Variants in SHROOM3 observed in about 807,000 individuals in gnomAD.
SHROOM3 encodes the protein protein Shroom3.
A neutral mutation model predicts 138.6 loss-of-function variants in SHROOM3; 47 were observed. The ratio of observed to expected loss-of-function variants is 0.34; its 90% CI spans 0.27 to 0.43. SHROOM3 has a LOEUF of 0.43. Ranked by LOEUF, SHROOM3 falls within the 20% of genes least tolerant of loss-of-function variation. SHROOM3 has a pLI of 1.00. For missense variants in SHROOM3, 2,491 were observed against 2,596.5 expected, an observed-to-expected ratio of 0.96 and a Z score of 0.88; for synonymous variants, 1,062 against 1,063.3, an observed-to-expected ratio of 1.00 and a Z score of 0.02.
At position 76,741,567 on chromosome 4, in the gene SHROOM3, G is replaced by C; in HGVS notation, c.3394G>C (p.Gly1132Arg). Residue 1132 changes from glycine to arginine, a missense_variant, in exon 5 of 11, where the codon GGC (glycine) becomes CGC (arginine). This residue lies in a region of SHROOM3 where 1,733 missense variants were observed against 1,661.6 expected (regional missense o/e 1.04). Transcript: ENST00000296043. This position sits in a 1 kb window ranked among gnomAD's most constrained non-coding sequence, Gnocchi z 6.2. The part of the protein sequence containing the change: ...QPGPAALEGS[G>R]LASASSLSSL... ...CGGCCCCGCGGCGCTCGAAGGCTCC[G>C]GCCTCGCCTCGGCCTCCAGCTTGAG... 1 of 1,544,504 alleles carries C rather than the reference G, an allele frequency of 6.5e-7. No homozygotes were observed. Among genetic ancestry groups the C allele is most frequent in the African/African-American group, 1.4e-5 (1 of 73,488 alleles).
At chr4:76,628,789 G>GA (rs927925605) in intron 2 of SHROOM3, 3 of 151,548 alleles carry the variant, frequency 2.0e-5, no homozygotes, top group African/African-American at 7.3e-5. Context: ...TAGTGCATGG[G>GA]AAAAAATGGA....
In SHROOM3 at chr4:76,740,151, T is replaced by C. The variant is rs1441826094; in HGVS notation, c.1978T>C (p.Ser660Pro). 2.5e-6 allele frequency: 4 copies of C among 1,613,742 alleles called. No homozygotes were observed. The African/African-American group carries it at 4.0e-5, about 16-fold the overall frequency. Residue 660 changes from serine (S) to proline (P), a missense_variant, in exon 5 of 11, where the codon TCA (serine) becomes CCA (proline). Transcript: ENST00000296043. The surrounding 1 kb of genome is among the most constrained non-coding windows in gnomAD (Gnocchi z 4.0). ...SLSGNFGKTK[S>P]AFSSLQNIPE... is the part of the protein sequence containing the mutation. ...GTCAGGCAACTTTGGCAAGACCAAG[T>C]CAGCCTTCTCATCTCTCCAGAACAT...
At chr4:76,551,031 G>T (rs1035310318) in intron 1 of SHROOM3, among the ~76,000 whole-genome samples, 4 of 151,568 alleles carry the variant, frequency 2.6e-5, no homozygotes, top group Non-Finnish European at 4.4e-5. Context: ...TTCGAGACAG[G>T]GTCTCCCTCT....
intron 2 of SHROOM3, among the ~76,000 whole-genome samples, chr4:76,682,019 C>A (rs1372616144): frequency 1.3e-5 from 2 of 152,102 alleles, no homozygotes; most frequent in Admixed American, 1.3e-4. Flanking sequence ...CTCCTAACTC[C>A]CCTCCACTTT....
At chr4:76,647,193 T>C (rs1203507226) in intron 2 of SHROOM3, among the ~76,000 whole-genome samples, 1 of 152,130 alleles carries the variant, frequency 6.6e-6, no homozygotes, top group Non-Finnish European at 1.5e-5. Flanking sequence ...TTTTCACTCA[T>C]ATGTGGGGGC....
chr4:76,709,766 C>A, intron 2 of SHROOM3: 1 of 280,866 alleles, frequency 3.6e-6, no homozygotes, highest in Admixed American at 5.0e-5. Context: ...GGCTTGGTTT[C>A]AAACCACCTC....
intron 2 of SHROOM3, among the ~76,000 whole-genome samples, chr4:76,652,735 A>T (rs1476916825): frequency 6.7e-6 from 1 of 148,260 alleles, no homozygotes; most frequent in African/African-American, 2.5e-5. Context: ...GAGATGTAAG[A>T]GATACACTTG....
chr4:76,512,338 A>C (rs1408054951), intron 1 of SHROOM3, among the ~76,000 whole-genome samples: 1 of 152,170 alleles, frequency 6.6e-6, no homozygotes, highest in African/African-American at 2.4e-5. Flanking sequence ...AGAGGAGAGG[A>C]AGGAGGGCAG....
At chr4:76,661,947 C>G (rs1399051416) in intron 2 of SHROOM3, among the ~76,000 whole-genome samples, 1 of 152,088 alleles carries the variant, frequency 6.6e-6, no homozygotes, top group Non-Finnish European at 1.5e-5. Flanking sequence ...TTTTCCATAC[C>G]CTTTTCCAAA....
chr4:76,681,768 T>C lies in SHROOM3; in HGVS notation c.324-28388T>C, dbSNP rs1476046074. Among the ~76,000 whole-genome samples, 4 of 152,076 alleles carry C rather than the reference T, an allele frequency of 2.6e-5. No homozygotes were observed. The East Asian group carries it at 7.7e-4, about 29-fold the overall frequency. The stretch of plus-strand genomic sequence containing the variant: ...GATTAGGAATCTGTGCCCTCTTGGA[T>C]TACCAGAAACAATTTGCCTCTCCTG... On this transcript the variant is annotated intron_variant, in intron 2 of 10. Transcript: ENST00000296043.
chr4:76,462,824 G>A (rs1354774906), intron 1 of SHROOM3, among the ~76,000 whole-genome samples: 2 of 151,746 alleles, frequency 1.3e-5, no homozygotes, highest in East Asian at 3.9e-4. Context: ...CTTCCACCAT[G>A]ATTTTAAATT....
At chr4:76,714,514 ATGATTAACCT>A (rs1317788731) in intron 3 of SHROOM3, among the ~76,000 whole-genome samples, 2 of 152,162 alleles carry the variant, frequency 1.3e-5, no homozygotes, top group Non-Finnish European at 2.9e-5. Flanking sequence ...ATTACTGGTG[ATGATTAACCT>A]TGATTACTTG....
intron 2 of SHROOM3, among the ~76,000 whole-genome samples, chr4:76,693,370 G>GTTTT (rs10648549): frequency 0.086 from 6,814 of 79,330 alleles, 608 homozygotes; most frequent in East Asian, 0.15. Context: ...TGATAAGTTT[G>GTTTT]TTTTTTTTTT....
In SHROOM3 at chr4:76,741,210, C is replaced by G; in HGVS notation, c.3037C>G (p.Pro1013Ala). 1 of 1,607,480 alleles carries G rather than the reference C, an allele frequency of 6.2e-7. No homozygotes were observed. The highest frequency in any genetic ancestry group is 1.7e-5 in the Admixed American group (1 of 59,516). The change falls in exon 5 of 11, where the codon CCC becomes GCC. Residue 1013 changes from proline to alanine, a missense_variant. Pro to Ala is a conservative substitution (Grantham distance 27, BLOSUM62 -1). Around this residue, in one of 4 missense-constraint regions of SHROOM3, gnomAD observed 1,733 missense variants for 1,661.6 expected, o/e 1.04. Coordinates refer to ENST00000296043, the MANE Select transcript of SHROOM3 (RefSeq NM_020859.4). This position sits in a 1 kb window ranked among gnomAD's most constrained non-coding sequence, Gnocchi z 6.2. ...GAGAGGTGCTCGCCGGCGCCTGACT[C>G]CCGAGCAGAAGAAGCGCTCCTACTC... ...ARRGARRRLT[P>A]EQKKRSYSEP...
At chr4:76,494,356 T>TACCA (rs1731921706) in intron 1 of SHROOM3, among the ~76,000 whole-genome samples, 1 of 152,246 alleles carries the variant, frequency 6.6e-6, no homozygotes, top group African/African-American at 2.4e-5. Flanking sequence ...TACCCTGGTA[T>TACCA]GTAGCTGTGT....
chr4:76,517,788 T>A (rs1465739583), intron 1 of SHROOM3, among the ~76,000 whole-genome samples: 1 of 152,170 alleles, frequency 6.6e-6, no homozygotes, highest in Non-Finnish European at 1.5e-5. Context: ...ATTAGGACTC[T>A]GGGCCAGAAT....
In SHROOM3 at chr4:76,576,772, C is replaced by T. The variant is rs146443363; in HGVS notation, c.323+21009C>T. ...ATCTCACGTACCCCATAAATGTATA[C>T]ACCTACTTTATAACCACAAAAATTA... On this transcript the variant is annotated intron_variant, in intron 2 of 10. Coordinates refer to ENST00000296043, the MANE Select transcript of SHROOM3 (RefSeq NM_020859.4). 2.6e-3 allele frequency among the ~76,000 whole-genome samples: 398 copies of T among 152,066 alleles called. 1 individual carries two copies. The highest frequency in any genetic ancestry group is 9.3e-3 in the African/African-American group (384 of 41,474).
intron 2 of SHROOM3, among the ~76,000 whole-genome samples, chr4:76,562,541 T>A (rs1733619159): frequency 6.6e-6 from 1 of 152,232 alleles, no homozygotes. Flanking sequence ...GATACAAAAT[T>A]AACTCTATTA....
chr4:76,574,671 C>A (rs1433448814), intron 2 of SHROOM3, among the ~76,000 whole-genome samples: 1 of 152,128 alleles, frequency 6.6e-6, no homozygotes, highest in Non-Finnish European at 1.5e-5. Flanking sequence ...ATATATGCTA[C>A]AACATGGATG....
Sources: gnomAD v4.1 joint callset for allele counts (sites outside exome capture counted in the v4.1 genomes callset) on GRCh38, gnomAD v4.1.1 for gene constraint, gnomAD v4.1.1 regional missense constraint, Gnocchi (gnomAD v3.1) non-coding constraint, MANE v1.5 for transcripts, NCBI Gene and HGNC (gene_info 2026-07-23, HGNC 2026-07-21) for gene names.